Variants in MTMR8 observed in about 807,000 individuals in gnomAD.
MTMR8 encodes myotubularin related protein 8.
MTMR8 carries 65 observed loss-of-function variants against 39.3 expected under a neutral mutation model. The ratio of observed to expected loss-of-function variants is 1.65; its 90% CI spans 1.35 to 2.03. The LOEUF is 2.03. Ranked by LOEUF, MTMR8 falls within the 30% of genes most tolerant of loss-of-function variation. The pLI is 0.00. For missense variants in MTMR8, 777 were observed against 538.9 expected (o/e 1.44, Z -4.37); for synonymous variants, 245 against 185.2 (o/e 1.32, Z -2.62).
intron 12 of MTMR8, among the ~76,000 whole-genome samples, chrX:64,283,497 T>G (rs1006418107): frequency 8.9e-6 from 1 of 111,745 alleles, no homozygotes; most frequent in African/African-American, 3.2e-5. Context: ...AGCACGGAGT[T>G]TGAGATCTGA....
chrX:64,378,684 T>C (rs778618976), intron 1 of MTMR8, among the ~76,000 whole-genome samples: 1 of 112,649 alleles, frequency 8.9e-6, no homozygotes, highest in Non-Finnish European at 1.9e-5. Context: ...TGAATGCATA[T>C]ATTAGAACAA....
chrX:64,364,813 C>T (rs1178513224), intron 1 of MTMR8, among the ~76,000 whole-genome samples: 3 of 111,452 alleles, frequency 2.7e-5, no homozygotes, highest in East Asian at 2.8e-4. Context: ...TAAACTTCTA[C>T]GAGCTAAAGA....
intron 12 of MTMR8, among the ~76,000 whole-genome samples, chrX:64,299,473 T>C (rs1921757956): frequency 9.4e-6 from 1 of 106,612 alleles, no homozygotes; most frequent in Non-Finnish European, 1.9e-5. Flanking sequence ...TCTCTCTTTT[T>C]TTCTTTATTA....
intron 3 of MTMR8, among the ~76,000 whole-genome samples, chrX:64,355,591 G>T (rs1923600155): frequency 9.0e-6 from 1 of 111,233 alleles, no homozygotes; most frequent in African/African-American, 3.3e-5. Context: ...TGAGGGAAAA[G>T]GGGAAAAATG....
At chrX:64,283,016 C>T (rs1423570878) in intron 12 of MTMR8, among the ~76,000 whole-genome samples, 1 of 112,081 alleles carries the variant, frequency 8.9e-6, no homozygotes, top group Non-Finnish European at 1.9e-5. Context: ...TGAGCTGAAA[C>T]AGGGCGAGGC....
intron 1 of MTMR8, among the ~76,000 whole-genome samples, chrX:64,377,673 G>C (rs777697029): frequency 3.9e-4 from 44 of 112,159 alleles, no homozygotes; most frequent in African/African-American, 1.4e-3. Context: ...TCTTGTCTCA[G>C]ATGAGACTTT....
intron 1 of MTMR8, among the ~76,000 whole-genome samples, chrX:64,367,499 C>T (rs150995299): frequency 0.012 from 1,321 of 111,559 alleles, 21 homozygotes; most frequent in African/African-American, 0.04. Flanking sequence ...ACAGAACCAA[C>T]GACAAAAACC....
intron 2 of MTMR8, among the ~76,000 whole-genome samples, chrX:64,356,575 A>T (rs1236378696): frequency 9.0e-6 from 1 of 111,089 alleles, no homozygotes; most frequent in Non-Finnish European, 1.9e-5. Flanking sequence ...CTCCTTAAGG[A>T]TACGAGATTA....
At chrX:64,296,733 C>T (rs1366501480) in intron 12 of MTMR8, among the ~76,000 whole-genome samples, 2 of 105,085 alleles carry the variant, frequency 1.9e-5, no homozygotes, top group Non-Finnish European at 2.0e-5. Flanking sequence ...CTTCCCCCTC[C>T]CCCGCCCCCA....
intron 12 of MTMR8, among the ~76,000 whole-genome samples, chrX:64,297,841 C>T (rs1299082591): frequency 9.1e-6 from 1 of 109,692 alleles, no homozygotes; most frequent in Non-Finnish European, 1.9e-5. Context: ...AATAGGGAAT[C>T]CTTTCCCCAT....
intron 12 of MTMR8, among the ~76,000 whole-genome samples, chrX:64,295,058 T>C (rs761984005): frequency 2.7e-5 from 3 of 110,556 alleles, no homozygotes; most frequent in African/African-American, 9.9e-5. Flanking sequence ...CAACATTTGA[T>C]AGGAATGTTT....
chrX:64,298,578 C>G (rs1409303628), intron 12 of MTMR8, among the ~76,000 whole-genome samples: 1 of 88,041 alleles, frequency 1.1e-5, no homozygotes, highest in Non-Finnish European at 1.9e-5. Flanking sequence ...ATTTCCTTCT[C>G]CTGTCTAATT....
At chrX:64,297,042 C>A (rs1454434429) in intron 12 of MTMR8, among the ~76,000 whole-genome samples, 3 of 97,163 alleles carry the variant, frequency 3.1e-5, no homozygotes, top group African/African-American at 7.6e-5. Flanking sequence ...AATAAACATA[C>A]GTGTGCATGT....
chrX:64,334,722 T>G, intron 10 of MTMR8, among the ~76,000 whole-genome samples: 1 of 111,023 alleles, frequency 9.0e-6, no homozygotes. Flanking sequence ...GTAATCCTGT[T>G]TAATGCCTTT....
At chrX:64,335,796 A>C (rs768344858) in intron 10 of MTMR8, among the ~76,000 whole-genome samples, 3 of 112,171 alleles carry the variant, frequency 2.7e-5, no homozygotes, top group Non-Finnish European at 3.8e-5. Context: ...TGCAATGTTA[A>C]GCACTTTTCC....
At chrX:64,309,967 T>C (rs1222241748) in intron 12 of MTMR8, among the ~76,000 whole-genome samples, 1 of 111,787 alleles carries the variant, frequency 8.9e-6, no homozygotes, top group Non-Finnish European at 1.9e-5. Flanking sequence ...CTCAGGGTAC[T>C]GGTGGTTGAA....
At chrX:64,284,630 C>A (rs1038510443) in intron 12 of MTMR8, among the ~76,000 whole-genome samples, 1 of 112,006 alleles carries the variant, frequency 8.9e-6, no homozygotes. Context: ...AATCTCTCAG[C>A]AGAAACTCTA....
chrX:64,332,299 A>G (rs1295530755), intron 10 of MTMR8, among the ~76,000 whole-genome samples: 1 of 111,503 alleles, frequency 9.0e-6, no homozygotes, highest in Non-Finnish European at 1.9e-5. Context: ...TCCTCCCCAC[A>G]ATGTTTTCTT....
At chrX:64,359,816 G>C (rs1219601925) in intron 1 of MTMR8, among the ~76,000 whole-genome samples, 3 of 109,138 alleles carry the variant, frequency 2.7e-5, no homozygotes, top group African/African-American at 1.0e-4. Context: ...CTGAGAGCCT[G>C]CTGAGGTACT....
Sources: gnomAD v4.1 joint callset for allele counts (sites outside exome capture counted in the v4.1 genomes callset) on GRCh38, gnomAD v4.1.1 for gene constraint, MANE v1.5 for transcripts, NCBI Gene and HGNC (gene_info 2026-07-23, HGNC 2026-07-21) for gene names.